Variants in ARHGEF7 observed in about 807,000 individuals in gnomAD.
ARHGEF7 encodes Rho guanine nucleotide exchange factor 7, also known as PAK-interacting exchange factor beta.
A neutral mutation model predicts 109.8 loss-of-function variants in ARHGEF7; 33 were observed. The observed-to-expected ratio is 0.30, with a 90% CI of 0.23 to 0.40. The LOEUF (loss-of-function observed/expected upper bound fraction) is 0.40. Ranked by LOEUF, ARHGEF7 falls within the 10% of genes least tolerant of loss-of-function variation. The pLI, the probability that ARHGEF7 is intolerant of heterozygous loss-of-function variation, is 1.00. For synonymous variants in ARHGEF7, 458 were observed against 424.6 expected, an observed-to-expected ratio of 1.08 and a Z score of -0.97; for missense variants, 938 against 1,098.5, an observed-to-expected ratio of 0.85 and a Z score of 2.07.
chr13:111,293,944 C>T, intron 19 of ARHGEF7: 2 of 985,448 alleles, frequency 2.0e-6, no homozygotes, highest in Non-Finnish European at 2.4e-6. Flanking sequence ...AGTTGGGTGG[C>T]TTCATTCAGC....
At chr13:111,201,392 A>C (rs1566800471) in intron 2 of ARHGEF7, among the ~76,000 whole-genome samples, 1 of 152,210 alleles carries the variant, frequency 6.6e-6, no homozygotes, top group Non-Finnish European at 1.5e-5. Flanking sequence ...ACTGCAAGAG[A>C]AACGAGGTCC....
chr13:111,170,224 A>AGTAGCTGAGACT (rs111986929), intron 2 of ARHGEF7, among the ~76,000 whole-genome samples: 35,562 of 152,030 alleles, frequency 0.23, 4,445 homozygotes, highest in Admixed American at 0.33. Flanking sequence ...CAACCTCTCG[A>AGTAGCTGAGACT]GTAGCTGAGA....
At chr13:111,127,073 A>G (rs910608358) in intron 1 of ARHGEF7, among the ~76,000 whole-genome samples, 5 of 152,238 alleles carry the variant, frequency 3.3e-5, no homozygotes, top group Admixed American at 2.0e-4. Context: ...GAAATTACCA[A>G]CGTAAGGAAT....
intron 2 of ARHGEF7, 65 bp downstream of exon 2, chr13:111,154,056 G>T: frequency 1.4e-6 from 2 of 1,473,370 alleles, no homozygotes; most frequent in Non-Finnish European, 1.8e-6. Flanking sequence ...CGGGGTGGGT[G>T]CTTCGCTCCA....
At chr13:111,218,743 G>A (rs976012618) in intron 5 of ARHGEF7, among the ~76,000 whole-genome samples, 1 of 152,138 alleles carries the variant, frequency 6.6e-6, no homozygotes, top group Admixed American at 6.5e-5. Context: ...TCCCTTGTGC[G>A]GTCTTGTGGG....
chr13:111,292,038 T>G, intron 18 of ARHGEF7, 80 bp from the exon 19 acceptor site: 2 of 1,203,826 alleles, frequency 1.7e-6, no homozygotes, highest in Non-Finnish European at 2.4e-6. Flanking sequence ...TTTTGTTCCA[T>G]GTTTTGGTTG....
At chr13:111,136,396 C>T (rs2075090650) in intron 1 of ARHGEF7, among the ~76,000 whole-genome samples, 1 of 152,230 alleles carries the variant, frequency 6.6e-6, no homozygotes, top group Admixed American at 6.5e-5. Flanking sequence ...CAAACTGTCT[C>T]TCAGACCACA....
chr13:111,263,499 G>A (rs1459574039), intron 8 of ARHGEF7, among the ~76,000 whole-genome samples: 2 of 152,224 alleles, frequency 1.3e-5, no homozygotes, highest in Non-Finnish European at 2.9e-5. Flanking sequence ...GGACCAGGTA[G>A]GAGATGAAAT....
chr13:111,200,185 C>T (rs2081052699), intron 2 of ARHGEF7, among the ~76,000 whole-genome samples: 1 of 152,068 alleles, frequency 6.6e-6, no homozygotes, highest in African/African-American at 2.4e-5. Flanking sequence ...GGGCTGCGGC[C>T]TCTCTGGGGA....
At chr13:111,257,079 T>C (rs1487712364) in intron 8 of ARHGEF7, among the ~76,000 whole-genome samples, 1 of 152,254 alleles carries the variant, frequency 6.6e-6, no homozygotes, top group African/African-American at 2.4e-5. Context: ...TTTTGGCCTC[T>C]GTCCTCAGGC....
chr13:111,118,854 C>T (rs2066981685), intron 1 of ARHGEF7, among the ~76,000 whole-genome samples: 1 of 152,166 alleles, frequency 6.6e-6, no homozygotes, highest in African/African-American at 2.4e-5. Context: ...CTCTGTGTGT[C>T]CCAGGAGAAC....
chr13:111,154,104 C>T, intron 2 of ARHGEF7, 113 bp downstream of exon 2: 1 of 1,102,626 alleles, frequency 9.1e-7, no homozygotes, highest in South Asian at 1.6e-5. Flanking sequence ...GGATCCGACC[C>T]TCCCCGGCTG....
intron 2 of ARHGEF7, among the ~76,000 whole-genome samples, chr13:111,172,607 A>G (rs2077709825): frequency 6.6e-6 from 1 of 152,260 alleles, no homozygotes; most frequent in Non-Finnish European, 1.5e-5. Context: ...TTAAAAAACC[A>G]GCCTCTTTTC....
chr13:111,281,254 C>G (rs1274276252), intron 15 of ARHGEF7: 1 of 128,002 alleles, frequency 7.8e-6, no homozygotes, highest in Non-Finnish European at 1.6e-5. Context: ...AGTGTTTAAA[C>G]CTCTCCTGGT....
At chr13:111,248,320 C>T (rs2089236229) in intron 8 of ARHGEF7, among the ~76,000 whole-genome samples, 1 of 152,114 alleles carries the variant, frequency 6.6e-6, no homozygotes, top group Non-Finnish European at 1.5e-5. Context: ...CGTCCGCTTC[C>T]TAGATTTTTG....
chr13:111,296,385 CCAGTCGTGTGGCACA>C (rs2153631709), intron 19 of ARHGEF7, among the ~76,000 whole-genome samples: 1 of 152,250 alleles, frequency 6.6e-6, no homozygotes, highest in Admixed American at 6.5e-5. Flanking sequence ...CCTGGGGTCT[CCAGTCGTGTGGCACA>C]CAGCAGCCCC....
intron 6 of ARHGEF7, among the ~76,000 whole-genome samples, chr13:111,241,593 T>A (rs1243917863): frequency 1.3e-5 from 2 of 152,250 alleles, no homozygotes; most frequent in African/African-American, 2.4e-5. Context: ...GGCAGAGGGC[T>A]CTTTCAAGTA....
intron 2 of ARHGEF7, among the ~76,000 whole-genome samples, chr13:111,161,804 TA>T (rs1456407938): frequency 6.6e-6 from 1 of 152,210 alleles, no homozygotes; most frequent in African/African-American, 2.4e-5. Context: ...ACATCATAGA[TA>T]CATGTAATGT....
rs1054537183 is a variant in ARHGEF7 at position 111,270,417 on chromosome 13, C to T, written c.1073+2747C>T. On this transcript the variant is annotated intron_variant, in intron 9 of 21. Coordinates refer to ENST00000646102, the MANE Select transcript of ARHGEF7 (RefSeq NM_001354046.2). ...GCTGTTTTGTTTTATTATGGCACTA[C>T]TTTTTTTTTTTTTAACTTCAAACTG... 1.1e-4 allele frequency among the ~76,000 whole-genome samples: 16 copies of T among 145,624 alleles called. 1 individual carries two copies. The South Asian group carries it at 3.3e-3, about 30-fold the overall frequency.
Sources: allele counts gnomAD v4.1 joint callset (sites outside exome capture counted in the v4.1 genomes callset), GRCh38; gene constraint gnomAD v4.1.1; transcripts MANE v1.5; gene names NCBI Gene and HGNC (gene_info 2026-07-23, HGNC 2026-07-21).